GPA33: variants seen among roughly 807,000 people sequenced by gnomAD.
The protein encoded by GPA33 is cell surface A33 antigen.
A neutral mutation model predicts 35.6 loss-of-function variants in GPA33; 27 were observed. That is an observed-to-expected ratio of 0.76 (90% CI 0.56 to 1.04). GPA33 has a LOEUF of 1.04. Among genes scored for constraint, GPA33 ranks in the 50% least tolerant of loss-of-function variants. The probability of loss-of-function intolerance (pLI) is 0.00; values close to 1 mark genes in which losing one functional copy is unlikely to be tolerated. For missense variants in GPA33, 428 were observed against 411.9 expected, an observed-to-expected ratio of 1.04 and a Z score of -0.34; for synonymous variants, 176 against 164.0, an observed-to-expected ratio of 1.07 and a Z score of -0.56.
chr1:167,074,729 A>T (rs1666785337), intron 1 of GPA33, among the ~76,000 whole-genome samples: 1 of 142,188 alleles, frequency 7.0e-6, no homozygotes, highest in Admixed American at 7.0e-5. Context: ...AGCAAGGGAG[A>T]TTGTGTAGTG....
At chr1:167,065,991 C>T (rs1487129063) in intron 3 of GPA33, among the ~76,000 whole-genome samples, 1 of 152,148 alleles carries the variant, frequency 6.6e-6, no homozygotes, top group Admixed American at 6.5e-5. Context: ...CAGAGGACCC[C>T]TAGGATGGGC....
intron 2 of GPA33, among the ~76,000 whole-genome samples, chr1:167,072,704 A>G (rs888811824): frequency 6.6e-6 from 1 of 152,220 alleles, no homozygotes; most frequent in Non-Finnish European, 1.5e-5. Context: ...TTGAAAAATG[A>G]GATAGATAAA....
chr1:167,056,113 T>G (rs1666244705), intron 4 of GPA33, among the ~76,000 whole-genome samples: 1 of 152,204 alleles, frequency 6.6e-6, no homozygotes, highest in Non-Finnish European at 1.5e-5. Flanking sequence ...TAACTCAGCT[T>G]CATTCAACCT....
chr1:167,077,506 T>C (rs1241158588), intron 1 of GPA33, among the ~76,000 whole-genome samples: 1 of 152,182 alleles, frequency 6.6e-6, no homozygotes, highest in Non-Finnish European at 1.5e-5. Context: ...TTCTTGTCTA[T>C]CACCCTGGCC....
chr1:167,087,294 C>A (rs1432985250), intron 1 of GPA33, among the ~76,000 whole-genome samples: 2 of 152,182 alleles, frequency 1.3e-5, no homozygotes, highest in Non-Finnish European at 2.9e-5. Flanking sequence ...ATAATAACTG[C>A]ACTCATAACT....
intron 4 of GPA33, among the ~76,000 whole-genome samples, chr1:167,059,849 T>C (rs1666395443): frequency 1.3e-5 from 2 of 152,200 alleles, no homozygotes; most frequent in Admixed American, 1.3e-4. Context: ...GACTTCTTGT[T>C]TCCTGATTCT....
At chr1:167,070,970 T>A (rs934862039) in intron 2 of GPA33, among the ~76,000 whole-genome samples, 3 of 151,954 alleles carry the variant, frequency 2.0e-5, no homozygotes, top group Non-Finnish European at 4.4e-5. Flanking sequence ...TCTCTTTACG[T>A]GTGGGGTATC....
At chr1:167,085,263 G>C (rs1667025991) in intron 1 of GPA33, among the ~76,000 whole-genome samples, 1 of 152,190 alleles carries the variant, frequency 6.6e-6, no homozygotes, top group South Asian at 2.1e-4. Flanking sequence ...AGGAGACATG[G>C]AAACATCAAG....
At chr1:167,062,977 C>T (rs1471774041) in intron 4 of GPA33, among the ~76,000 whole-genome samples, 3 of 152,182 alleles carry the variant, frequency 2.0e-5, no homozygotes, top group Non-Finnish European at 4.4e-5. Flanking sequence ...CCTACCCATG[C>T]TTTTGCACAG....
At chr1:167,065,998 G>A (rs1195233785) in intron 3 of GPA33, among the ~76,000 whole-genome samples, 5 of 152,160 alleles carry the variant, frequency 3.3e-5, no homozygotes, top group Non-Finnish European at 7.3e-5. Flanking sequence ...CCCCTAGGAT[G>A]GGCTTGCTGA....
intron 1 of GPA33, among the ~76,000 whole-genome samples, chr1:167,087,553 C>T (rs531451391): frequency 5.3e-5 from 8 of 152,204 alleles, no homozygotes; most frequent in Admixed American, 1.3e-4. Flanking sequence ...TTAGGAGGGA[C>T]GGGTGGAACA....
At chr1:167,059,276 G>T (rs1235653068) in intron 4 of GPA33, among the ~76,000 whole-genome samples, 3 of 152,160 alleles carry the variant, frequency 2.0e-5, no homozygotes, top group Non-Finnish European at 4.4e-5. Context: ...TTCGGAAAGG[G>T]ACTAGTAATT....
chr1:167,056,725 G>A, intron 4 of GPA33, among the ~76,000 whole-genome samples: 1 of 13,104 alleles, frequency 7.6e-5, no homozygotes, highest in South Asian at 2.5e-3. Flanking sequence ...TGTGTAGTGT[G>A]TGATGTATGT....
intron 3 of GPA33, among the ~76,000 whole-genome samples, chr1:167,064,685 A>G (rs1012705827): frequency 6.6e-6 from 1 of 152,152 alleles, no homozygotes; most frequent in Admixed American, 6.5e-5. Flanking sequence ...TAGTTTGCCT[A>G]CCCCTGAACT....
intron 2 of GPA33, among the ~76,000 whole-genome samples, chr1:167,070,391 C>T (rs886861658): frequency 1.3e-5 from 2 of 152,114 alleles, no homozygotes; most frequent in African/African-American, 2.4e-5. Flanking sequence ...GGAATCTTCA[C>T]AACACCCCTA....
intron 4 of GPA33, among the ~76,000 whole-genome samples, chr1:167,058,867 T>C (rs1386613608): frequency 1.3e-5 from 2 of 152,246 alleles, no homozygotes; most frequent in African/African-American, 4.8e-5. Flanking sequence ...GTGGTATTCA[T>C]GCTCTCATTT....
intron 1 of GPA33, among the ~76,000 whole-genome samples, chr1:167,088,250 C>A (rs868863397): frequency 6.6e-6 from 1 of 152,166 alleles, no homozygotes; most frequent in Non-Finnish European, 1.5e-5. Context: ...CCCTTACCTG[C>A]GCAAAGGAAG....
intron 4 of GPA33, among the ~76,000 whole-genome samples, chr1:167,056,566 G>GAAT (rs1184954731): frequency 5.6e-5 from 1 of 17,702 alleles, no homozygotes. Context: ...TATGGTATGT[G>GAAT]GTGTGTGTGG....
At position 167,054,191 on chromosome 1, in the gene GPA33, A is replaced by T; in HGVS notation, c.*143T>A. 8.9e-7 allele frequency: 1 copy of T among 1,126,674 alleles called. No homozygotes were observed. The highest frequency in any genetic ancestry group is 1.3e-6 in the Non-Finnish European group (1 of 784,696). The allele number at this position is 1,126,674 out of a possible 1,614,324, so 69.8% of individuals were successfully genotyped here. ...CCTTACCAGGCCAGCCATGTTCCCCACAGCTGACACTGGGGAAGAAATGTC... is the reference window on the plus strand; with the variant it reads ...CCTTACCAGGCCAGCCATGTTCCCCTCAGCTGACACTGGGGAAGAAATGTC... On this transcript the variant is annotated 3_prime_UTR_variant, in exon 7 of 7. Coordinates refer to ENST00000367868, the MANE Select transcript of GPA33 (RefSeq NM_005814.3).
Sources: gnomAD v4.1 joint callset for allele counts (sites outside exome capture counted in the v4.1 genomes callset) on GRCh38, gnomAD v4.1.1 for gene constraint, MANE v1.5 for transcripts, NCBI Gene and HGNC (gene_info 2026-07-23, HGNC 2026-07-21) for gene names.